Variants in KIF21A observed in about 807,000 individuals in gnomAD.
The protein encoded by KIF21A is kinesin-like protein KIF21A.
KIF21A carries 114 observed loss-of-function variants against 202.9 expected under a neutral mutation model. That is an observed-to-expected ratio of 0.56 (90% CI 0.48 to 0.66). KIF21A has a LOEUF of 0.66. KIF21A is among the 30% of genes least tolerant of loss of function. KIF21A has a pLI of 0.00. For missense variants in KIF21A, 1,677 were observed against 1,994.9 expected (o/e 0.84, Z 3.04); for synonymous variants, 667 against 670.8 (o/e 0.99, Z 0.09).
intron 1 of KIF21A, among the ~76,000 whole-genome samples, chr12:39,386,145 G>T (rs112654056): frequency 6.6e-6 from 1 of 152,090 alleles, no homozygotes; most frequent in African/African-American, 2.4e-5. Context: ...TGGACACCCT[G>T]CACATTCTAA....
At chr12:39,401,689 C>A (rs558553987) in intron 1 of KIF21A, among the ~76,000 whole-genome samples, 1 of 152,222 alleles carries the variant, frequency 6.6e-6, no homozygotes, top group Non-Finnish European at 1.5e-5. Flanking sequence ...GAACATCTAT[C>A]GAAGGCATGT....
chr12:39,363,217 A>G lies in KIF21A; in HGVS notation c.904-4T>C. The G allele has an allele frequency of 6.7e-7, 1 of 1,494,542 alleles. No individual in the cohort carries two copies. Among genetic ancestry groups the G allele is most frequent in the Non-Finnish European group, 9.3e-7 (1 of 1,071,866 alleles). 92.6% of individuals were successfully genotyped at this position (1,494,542 alleles called of 1,614,324 possible). A position where few individuals can be genotyped will look rare whatever the true frequency, so the allele number is the denominator to read the frequency against. On this transcript the variant is annotated splice_region_variant and splice_polypyrimidine_tract_variant and intron_variant, in intron 6 of 37. Coordinates refer to ENST00000361418, the MANE Select transcript of KIF21A (RefSeq NM_001173464.2). ...TTATTACATTGCCAAGTGCCAACTA[A>G]AAGAAAGAGAAAGAAAGACAGCAAA...
At chr12:39,307,792 CT>C in intron 33 of KIF21A, 63 bp from the exon 34 acceptor site, 1 of 1,449,568 alleles carries the variant, frequency 6.9e-7, no homozygotes, top group Admixed American at 1.7e-5. Context: ...CTTAGAATTC[CT>C]TGAATTCCCA....
intron 1 of KIF21A, among the ~76,000 whole-genome samples, chr12:39,395,856 AAAAG>A (rs1360828588): frequency 4.0e-5 from 6 of 150,652 alleles, no homozygotes; most frequent in African/African-American, 1.2e-4. Flanking sequence ...AAAAAAAAAA[AAAAG>A]AAGAAGAAAA....
chr12:39,320,393 G>A (rs1289630255), intron 27 of KIF21A, among the ~76,000 whole-genome samples: 5 of 152,024 alleles, frequency 3.3e-5, no homozygotes, highest in African/African-American at 1.2e-4. Flanking sequence ...TAGAATATCA[G>A]AATATGAGAA....
At position 39,318,053 on chromosome 12, in the gene KIF21A, T is replaced by G. The variant is rs562143096; in HGVS notation, c.3908+20A>C. 1.9e-6 allele frequency: 3 copies of G among 1,608,304 alleles called. No homozygotes were observed. Among genetic ancestry groups the G allele is most frequent in the Non-Finnish European group, 2.6e-6 (3 of 1,175,518 alleles). ...AGAATATTATATAAATAATTGGGGC[T>G]CTTTTCCATAATGACTTACTTATCC... On this transcript the variant is annotated intron_variant, in intron 29 of 37. Coordinates refer to ENST00000361418, the MANE Select transcript of KIF21A (RefSeq NM_001173464.2).
chr12:39,309,825 T>C, intron 32 of KIF21A, 59 bp from the exon 33 acceptor site: 1 of 1,350,512 alleles, frequency 7.4e-7, no homozygotes, highest in Non-Finnish European at 1.0e-6. Flanking sequence ...TTAGGTTCTC[T>C]TAACAATAAA....
At chr12:39,304,736 A>T in intron 35 of KIF21A, 85 bp downstream of exon 35, 1 of 756,690 alleles carries the variant, frequency 1.3e-6, no homozygotes. Context: ...AAAGAAAATA[A>T]GAGAAAGAGG....
At chr12:39,326,229 T>C in intron 25 of KIF21A, 35 bp downstream of exon 25, 1 of 1,439,726 alleles carries the variant, frequency 6.9e-7, no homozygotes, top group East Asian at 2.3e-5. Flanking sequence ...AATATGTAAA[T>C]AAGTCAACTC....
intron 1 of KIF21A, among the ~76,000 whole-genome samples, chr12:39,431,249 C>A (rs1013962187): frequency 6.6e-6 from 1 of 152,194 alleles, no homozygotes; most frequent in African/African-American, 2.4e-5. Flanking sequence ...GCTGCCAGTT[C>A]TGTGCAGCCC....
intron 10 of KIF21A, among the ~76,000 whole-genome samples, chr12:39,355,070 T>C (rs1007807035): frequency 6.6e-6 from 1 of 152,102 alleles, no homozygotes; most frequent in Non-Finnish European, 1.5e-5. Flanking sequence ...TCCCCAGGGG[T>C]GGGACACACC....
At chr12:39,414,928 AT>A (rs201597276) in intron 1 of KIF21A, among the ~76,000 whole-genome samples, 1,942 of 139,218 alleles carry the variant, frequency 0.014, 14 homozygotes, top group African/African-American at 0.022. Context: ...TGTTTTTTGG[AT>A]TTTTTTTTTT....
chr12:39,323,961 T>G (rs902605901), intron 26 of KIF21A, among the ~76,000 whole-genome samples: 1 of 151,836 alleles, frequency 6.6e-6, no homozygotes, highest in African/African-American at 2.4e-5. Context: ...ATACAAAAAA[T>G]TAGCTGGGCA....
intron 1 of KIF21A, among the ~76,000 whole-genome samples, chr12:39,409,773 A>G (rs1952929465): frequency 6.6e-6 from 1 of 151,984 alleles, no homozygotes; most frequent in Non-Finnish European, 1.5e-5. Context: ...TCTAATCACA[A>G]GAGTCCTTAT....
chr12:39,385,064 T>C (rs1950853199), intron 1 of KIF21A, among the ~76,000 whole-genome samples: 1 of 152,228 alleles, frequency 6.6e-6, no homozygotes, highest in African/African-American at 2.4e-5. Flanking sequence ...TTTGCTGTTT[T>C]CTATGAATTA....
chr12:39,373,256 T>G (rs1950072760), intron 1 of KIF21A, among the ~76,000 whole-genome samples: 2 of 152,212 alleles, frequency 1.3e-5, no homozygotes, highest in Non-Finnish European at 2.9e-5. Flanking sequence ...TTTAGGCAGT[T>G]TCACTACCAG....
At chr12:39,335,164 C>T (rs80213290) in intron 17 of KIF21A, among the ~76,000 whole-genome samples, 1 of 151,846 alleles carries the variant, frequency 6.6e-6, no homozygotes, top group Non-Finnish European at 1.5e-5. Flanking sequence ...GTGGCTCACA[C>T]CTTTGGGAGG....
chr12:39,305,096 C>T (rs999480959), intron 34 of KIF21A, among the ~76,000 whole-genome samples, 158 bp from the exon 35 acceptor site: 6 of 151,602 alleles, frequency 4.0e-5, no homozygotes, highest in South Asian at 2.1e-4. Flanking sequence ...CCGGGTGCAG[C>T]GGCTAATGCC....
At position 39,323,530 on chromosome 12, in the gene KIF21A, G is replaced by A. The variant is rs1592143623; in HGVS notation, c.3457-648C>T. On this transcript the variant is annotated intron_variant, in intron 26 of 37. Transcript: ENST00000361418. ...CAACACCAGCTAGTATCAGCTTTGGGCAGCCTTCTGAGGCAAGTAAAGGTT... is the reference window on the plus strand; with the variant it reads ...CAACACCAGCTAGTATCAGCTTTGGACAGCCTTCTGAGGCAAGTAAAGGTT... Among the ~76,000 whole-genome samples the A allele has an allele frequency of 2.6e-5, 4 of 152,016 alleles. No individual in the cohort carries two copies. The South Asian group carries it at 8.3e-4, about 32-fold the overall frequency.
Sources: gnomAD v4.1 joint callset for allele counts (sites outside exome capture counted in the v4.1 genomes callset) on GRCh38, gnomAD v4.1.1 for gene constraint, MANE v1.5 for transcripts, NCBI Gene and HGNC (gene_info 2026-07-23, HGNC 2026-07-21) for gene names.